Variants in SMIM10L2A observed in about 807,000 individuals in gnomAD.
The protein encoded by SMIM10L2A is small integral membrane protein 10-like protein 2A.
A neutral mutation model predicts 3.0 loss-of-function variants in SMIM10L2A; 2 were observed. The ratio of observed to expected loss-of-function variants is 0.66; its 90% CI spans 0.27 to 2.08. The LOEUF (loss-of-function observed/expected upper bound fraction) is 2.08. Ranked by LOEUF, SMIM10L2A falls within the 30% of genes most tolerant of loss-of-function variation. The pLI is 0.14. For synonymous variants in SMIM10L2A, 29 were observed against 34.8 expected (o/e 0.83, Z 0.58); for missense variants, 59 against 66.5 (o/e 0.89, Z 0.39).
intron 1 of SMIM10L2A, among the ~76,000 whole-genome samples, chrX:135,423,013 G>A (rs574097129): frequency 1.5e-3 from 165 of 112,255 alleles, no homozygotes; most frequent in East Asian, 4.3e-3. Context: ...GAGGAATGGA[G>A]GGTAATGGGC....
Position 135,425,261 on chromosome X carries a change from A to G in SMIM10L2A, c.*1991A>G, listed in dbSNP as rs2085147732. ...TGGAAGCTGTTTCCCTACTGGGATA[A>G]AGTTGCGTCAGCCGCAGGGGTCTCT... On this transcript the variant is annotated 3_prime_UTR_variant, in exon 2 of 2. Coordinates refer to ENST00000417443, the MANE Select transcript of SMIM10L2A (RefSeq NM_203306.3). 9.0e-6 allele frequency: 1 copy of G among 111,679 alleles called. No homozygotes were observed. Among genetic ancestry groups the G allele is most frequent in the Non-Finnish European group, 1.9e-5 (1 of 53,021 alleles). 9.2% of individuals were successfully genotyped at this position (111,679 alleles called of 1,213,427 possible). A position where few individuals can be genotyped will look rare whatever the true frequency, so the allele number is the denominator to read the frequency against.
chrX:135,422,372 CCGGCGG>C lies in SMIM10L2A; in HGVS notation c.*16_*21del. 1.5e-6 allele frequency: 1 copy of C among 645,283 alleles called. No homozygotes were observed. Among genetic ancestry groups the C allele is most frequent in the South Asian group, 5.1e-5 (1 of 19,475 alleles). 53.2% of individuals were successfully genotyped at this position (645,283 alleles called of 1,213,427 possible). ...CCTGCAGGTGCGGATCGAGTGAGCG[CCGGCGG>C]CGGCGGCGGCGAAGGCCCGGCTGAA... On this transcript the variant is annotated 3_prime_UTR_variant, in exon 1 of 2. Transcript: ENST00000417443.
At chrX:135,423,141 C>T (rs782681366) in intron 1 of SMIM10L2A, among the ~76,000 whole-genome samples, 1 of 112,368 alleles carries the variant, frequency 8.9e-6, no homozygotes, top group African/African-American at 3.2e-5. Context: ...TATCTGTTCT[C>T]AGCCCTCAGC....
rs2085157350 is a variant in SMIM10L2A at position 135,427,546 on chromosome X, A to G, written c.*4276A>G. 1 of 111,874 alleles carries G rather than the reference A, an allele frequency of 8.9e-6. No individual in the cohort carries two copies. The highest frequency in any genetic ancestry group is 1.9e-5 in the Non-Finnish European group (1 of 53,114). 9.2% of individuals were successfully genotyped at this position (111,874 alleles called of 1,213,427 possible). ...AAATACAAACAGCATGCAAAATCAC[A>G]TCCTACTCCTACCCACCCCACTCCC... On this transcript the variant is annotated 3_prime_UTR_variant, in exon 2 of 2. Coordinates refer to ENST00000417443, the MANE Select transcript of SMIM10L2A (RefSeq NM_203306.3).
At chrX:135,423,284 C>A (rs1381411657) in intron 1 of SMIM10L2A, among the ~76,000 whole-genome samples, 1 of 112,440 alleles carries the variant, frequency 8.9e-6, no homozygotes, top group African/African-American at 3.2e-5. Context: ...AGGGCACCCC[C>A]CAAGCTCTGC....
At position 135,422,228 on chromosome X, in the gene SMIM10L2A, T is replaced by C; in HGVS notation, c.97T>C (p.Tyr33His). ...LSRSAAARGS[Y>H]GAFCKGLTRT... ...GCGCTCAGCTGCGGCCCGAGGCTCG[T>C]ACGGCGCCTTCTGCAAGGGGCTCAC... Residue 33 changes from tyrosine (Y) to histidine (H), a missense_variant, in exon 1 of 2, where the codon TAC (tyrosine) becomes CAC (histidine). Coordinates refer to ENST00000417443, the MANE Select transcript of SMIM10L2A (RefSeq NM_203306.3). 6.5e-6 allele frequency: 7 copies of C among 1,076,960 alleles called. No homozygotes were observed. The highest frequency in any genetic ancestry group is 8.5e-6 in the Non-Finnish European group (7 of 820,329). 88.8% of individuals were successfully genotyped at this position (1,076,960 alleles called of 1,213,427 possible). A position where few individuals can be genotyped will look rare whatever the true frequency, so the allele number is the denominator to read the frequency against.
In SMIM10L2A at chrX:135,425,609, C is replaced by G. The variant is rs2085149573; in HGVS notation, c.*2339C>G. 1 of 112,387 alleles carries G rather than the reference C, an allele frequency of 8.9e-6. No individual in the cohort carries two copies. Among genetic ancestry groups the G allele is most frequent in the Non-Finnish European group, 1.9e-5 (1 of 53,223 alleles). The allele number at this position is 112,387 out of a possible 1,213,427, so 9.3% of individuals were successfully genotyped here. ...CTAGGCGGTGGAGCTAGACACTGAC[C>G]GGAATGACATACTTTTCTGTGTGTG... On this transcript the variant is annotated 3_prime_UTR_variant, in exon 2 of 2. Transcript: ENST00000417443.
Position 135,422,243 on chromosome X carries a change from A to T in SMIM10L2A, c.112A>T (p.Lys38Ter). The T allele has an allele frequency of 9.2e-7, 1 of 1,084,390 alleles. No individual in the cohort carries two copies. The highest frequency in any genetic ancestry group is 1.2e-6 in the Non-Finnish European group (1 of 825,773). The allele number at this position is 1,084,390 out of a possible 1,213,427, so 89.4% of individuals were successfully genotyped here. A position where few individuals can be genotyped will look rare whatever the true frequency, so the allele number is the denominator to read the frequency against. ...AARGSYGAFC[K>*]GLTRTLLTFF... The stretch of plus-strand genomic sequence containing the variant: ...CCGAGGCTCGTACGGCGCCTTCTGC[A>T]AGGGGCTCACGCGCACGCTGCTCAC... Residue 38 changes from lysine (K) to a stop codon, truncating the protein, a stop_gained, in exon 1 of 2, where the codon AAG (lysine) becomes TAG (stop). Coordinates refer to ENST00000417443, the MANE Select transcript of SMIM10L2A (RefSeq NM_203306.3). LOFTEE classifies it high-confidence loss of function.
Position 135,427,457 on chromosome X carries a change from A to T in SMIM10L2A, c.*4187A>T, listed in dbSNP as rs2085157048. The T allele has an allele frequency of 9.0e-6, 1 of 111,607 alleles. No homozygotes were observed. The highest frequency in any genetic ancestry group is 3.7e-4 in the South Asian group (1 of 2,671). 9.2% of individuals were successfully genotyped at this position (111,607 alleles called of 1,213,427 possible). ...GGGACCTAAGAGACTGAGTCAGGAG[A>T]GGGCAAGAAAGCAGCTAAGTGGGAA... On this transcript the variant is annotated 3_prime_UTR_variant, in exon 2 of 2. Coordinates refer to ENST00000417443, the MANE Select transcript of SMIM10L2A (RefSeq NM_203306.3).
intron 1 of SMIM10L2A, among the ~76,000 whole-genome samples, chrX:135,423,285 C>T (rs1287237918): frequency 1.8e-5 from 2 of 112,471 alleles, no homozygotes; most frequent in Non-Finnish European, 3.8e-5. Flanking sequence ...GGGCACCCCC[C>T]AAGCTCTGCA....
At position 135,422,173 on chromosome X, in the gene SMIM10L2A, G is replaced by A. The variant is rs1179271697; in HGVS notation, c.42G>A (p.Ala14=). The change falls in exon 1 of 2, where the codon GCG becomes GCA. Residue 14 remains alanine, a synonymous_variant. Transcript: ENST00000417443. ...CTCTGTCTGCAGCGGCGGCTGCGGC[G>A]GCCCTGTCTGGCCTGGCGGTGCGGC... ...SAALSAAAAA[A]ALSGLAVRLS... The A allele has an allele frequency of 3.4e-5, 28 of 828,771 alleles. No homozygotes were observed. Among genetic ancestry groups the A allele is most frequent in the African/African-American group, 1.5e-4 (7 of 46,973 alleles). 68.3% of individuals were successfully genotyped at this position (828,771 alleles called of 1,213,427 possible).
Position 135,424,823 on chromosome X carries a change from C to T in SMIM10L2A, c.*1553C>T, listed in dbSNP as rs1300712535. ...AGAAGCGGCTGGACAGTGGCTGCCT[C>T]ATGACCCTTGCAGTCTCCCACATCC... On this transcript the variant is annotated 3_prime_UTR_variant, in exon 2 of 2. Transcript: ENST00000417443. 2.7e-5 allele frequency: 3 copies of T among 111,782 alleles called. No homozygotes were observed. Among genetic ancestry groups the T allele is most frequent in the South Asian group, 3.8e-4 (1 of 2,661 alleles). 9.2% of individuals were successfully genotyped at this position (111,782 alleles called of 1,213,427 possible). A position where few individuals can be genotyped will look rare whatever the true frequency, so the allele number is the denominator to read the frequency against.
Position 135,423,657 on chromosome X carries a change from C to T in SMIM10L2A, c.*387C>T, listed in dbSNP as rs1413645426. The stretch of plus-strand genomic sequence containing the variant: ...GGCATTGGCATTTGTAGGCGGTGAC[C>T]CGCCCCTTCTCTGGCCTTGCCAAGA... On this transcript the variant is annotated 3_prime_UTR_variant, in exon 2 of 2. Transcript: ENST00000417443. The T allele has an allele frequency of 1.8e-5, 2 of 113,943 alleles. No individual in the cohort carries two copies. The highest frequency in any genetic ancestry group is 5.6e-4 in the East Asian group (2 of 3,589). 9.4% of individuals were successfully genotyped at this position (113,943 alleles called of 1,213,427 possible). A position where few individuals can be genotyped will look rare whatever the true frequency, so the allele number is the denominator to read the frequency against.
chrX:135,425,605 T>C lies in SMIM10L2A; in HGVS notation c.*2335T>C, dbSNP rs1135853. ...TTTTCTAGGCGGTGGAGCTAGACAC[T>C]GACCGGAATGACATACTTTTCTGTG... On this transcript the variant is annotated 3_prime_UTR_variant, in exon 2 of 2. Transcript: ENST00000417443. 8.9e-6 allele frequency: 1 copy of C among 112,474 alleles called. No individual in the cohort carries two copies. Among genetic ancestry groups the C allele is most frequent in the East Asian group, 2.8e-4 (1 of 3,590 alleles). The allele number at this position is 112,474 out of a possible 1,213,427, so 9.3% of individuals were successfully genotyped here.
intron 1 of SMIM10L2A, among the ~76,000 whole-genome samples, 180 bp downstream of exon 1, chrX:135,422,910 T>C (rs192760679): frequency 0.02 from 2,243 of 112,193 alleles, 61 homozygotes; most frequent in African/African-American, 0.068. Context: ...CCAGTCATGA[T>C]TGCAGGATAG....
intron 1 of SMIM10L2A, among the ~76,000 whole-genome samples, chrX:135,423,024 T>TG (rs2085138076): frequency 9.1e-6 from 1 of 110,351 alleles, no homozygotes; most frequent in Non-Finnish European, 1.9e-5. Context: ...GGTAATGGGC[T>TG]GGGGGCGGCC....
In SMIM10L2A at chrX:135,425,766, C is replaced by A. The variant is rs1556471480; in HGVS notation, c.*2496C>A. The stretch of plus-strand genomic sequence containing the variant: ...ATACACTAAAATCCCAACTGGAGGC[C>A]TCCCGTGTCTGGTGGGGGTGATGCA... On this transcript the variant is annotated 3_prime_UTR_variant, in exon 2 of 2. Coordinates refer to ENST00000417443, the MANE Select transcript of SMIM10L2A (RefSeq NM_203306.3). 1 of 112,125 alleles carries A rather than the reference C, an allele frequency of 8.9e-6. No homozygotes were observed. The highest frequency in any genetic ancestry group is 1.9e-5 in the Non-Finnish European group (1 of 53,196). 9.2% of individuals were successfully genotyped at this position (112,125 alleles called of 1,213,427 possible).
Position 135,428,051 on chromosome X carries a change from G to C in SMIM10L2A, c.*4781G>C, listed in dbSNP as rs2085159360. The C allele has an allele frequency of 9.0e-6, 1 of 111,084 alleles. No individual in the cohort carries two copies. Among genetic ancestry groups the C allele is most frequent in the African/African-American group, 3.3e-5 (1 of 30,462 alleles). 9.2% of individuals were successfully genotyped at this position (111,084 alleles called of 1,213,427 possible). A position where few individuals can be genotyped will look rare whatever the true frequency, so the allele number is the denominator to read the frequency against. On this transcript the variant is annotated 3_prime_UTR_variant, in exon 2 of 2. Transcript: ENST00000417443. The stretch of plus-strand genomic sequence containing the variant: ...CAATGGTGGCAATTCTGATTCAATA[G>C]ATTAAAAAATTTATTACTACCTTTC...
rs1467720609 is a variant in SMIM10L2A at position 135,422,442 on chromosome X, C to G, written c.*74C>G. The stretch of plus-strand genomic sequence containing the variant: ...CCCCGCCCGCCCCCGGCCGGGTCGC[C>G]GGCATGAAGGAAAGCTGGGCCGCGG... On this transcript the variant is annotated 3_prime_UTR_variant, in exon 1 of 2. Transcript: ENST00000417443. 1.0e-5 allele frequency: 3 copies of G among 301,487 alleles called. No homozygotes were observed. The highest frequency in any genetic ancestry group is 1.7e-5 in the Non-Finnish European group (3 of 181,436). 24.8% of individuals were successfully genotyped at this position (301,487 alleles called of 1,213,427 possible). A position where few individuals can be genotyped will look rare whatever the true frequency, so the allele number is the denominator to read the frequency against.
Sources: allele counts gnomAD v4.1 joint callset (sites outside exome capture counted in the v4.1 genomes callset), GRCh38; gene constraint gnomAD v4.1.1; transcripts MANE v1.5; gene names NCBI Gene and HGNC (gene_info 2026-07-23, HGNC 2026-07-21).